The following SAMM50 variants were observed in gnomAD, a reference collection of about 807,000 sequenced individuals.
SAMM50 encodes sorting and assembly machinery component 50 homolog.
In SAMM50, 47 loss-of-function variants were observed where a neutral mutation model predicts 66.9. The ratio of observed to expected loss-of-function variants is 0.70; its 90% confidence interval spans 0.56 to 0.90. The LOEUF (loss-of-function observed/expected upper bound fraction) is 0.90. Ranked by LOEUF, SAMM50 falls within the 40% of genes least tolerant of loss-of-function variation. The pLI, the probability that SAMM50 is intolerant of heterozygous loss-of-function variation, is 0.00. For missense variants in SAMM50, 535 were observed against 595.3 expected (o/e 0.90, Z 1.05); for synonymous variants, 191 against 214.1 (o/e 0.89, Z 0.94).
In SAMM50 at chr22:43,975,757, T is replaced by C. The variant is rs372829695; in HGVS notation, c.649-298T>C. On this transcript the variant is annotated intron_variant, in intron 7 of 14. Transcript: ENST00000350028. The stretch of plus-strand genomic sequence containing the variant: ...GTGGGAAAGAGATAGCACCTGTCGA[T>C]GATAGAGCTGCCTGCAGCCCTCAGA... 187 of 292,276 alleles carry C rather than the reference T, an allele frequency of 6.4e-4. 4 individuals carry two copies. The South Asian group carries it at 0.012, about 19-fold the overall frequency. 18.1% of individuals were successfully genotyped at this position (292,276 alleles called of 1,614,324 possible).
At chr22:43,977,782 C>G in intron 9 of SAMM50, 90 bp from the exon 10 acceptor site, 1 of 892,660 alleles carries the variant, frequency 1.1e-6, no homozygotes, top group Non-Finnish European at 1.7e-6. Flanking sequence ...TACAAAACGG[C>G]AAAATTAAAT....
intron 7 of SAMM50, among the ~76,000 whole-genome samples, chr22:43,974,233 A>G (rs2050219547): frequency 1.3e-5 from 2 of 151,972 alleles, no homozygotes; most frequent in Admixed American, 1.3e-4. Flanking sequence ...ACTCACAGAG[A>G]GTGGGGCCCA....
rs2050273553 is a variant in SAMM50, at chr22:43,983,170, C to T, written c.1008-763C>T. Among the ~76,000 whole-genome samples, 3 of 152,218 alleles carry T rather than the reference C, an allele frequency of 2.0e-5. No individual in the cohort carries two copies. The highest frequency in any genetic ancestry group is 2.1e-4 in the South Asian group (1 of 4,836). On this transcript the variant is annotated intron_variant, in intron 11 of 14. Coordinates refer to ENST00000350028, the MANE Select transcript of SAMM50 (RefSeq NM_015380.5). This position sits in a 1 kb window ranked among gnomAD's most constrained non-coding sequence, Gnocchi z 4.2. The stretch of plus-strand genomic sequence containing the variant: ...CCTGCAGGGTGTTCTTAGCCTCCCG[C>T]GGCCTCAAAGGTCAGAGGGCTCTGA...
At chr22:43,989,585 C>G (rs1355061989) in intron 13 of SAMM50, among the ~76,000 whole-genome samples, 2 of 152,046 alleles carry the variant, frequency 1.3e-5, no homozygotes, top group Non-Finnish European at 2.9e-5. Context: ...ATCCACACCC[C>G]CCTTGGATTC....
chr22:43,957,788 C>T (rs2050127650), intron 1 of SAMM50, among the ~76,000 whole-genome samples: 2 of 150,158 alleles, frequency 1.3e-5, no homozygotes, highest in African/African-American at 4.9e-5. Context: ...GAGACAGAGT[C>T]TTGCTCTGTG....
chr22:43,989,719 A>G (rs1297743036), intron 13 of SAMM50, among the ~76,000 whole-genome samples: 1 of 152,238 alleles, frequency 6.6e-6, no homozygotes, highest in Non-Finnish European at 1.5e-5. Flanking sequence ...CAGCTAACAT[A>G]ATGCCCAGCA....
intron 9 of SAMM50, 41 bp from the exon 10 acceptor site, chr22:43,977,831 G>A (rs202058771): frequency 1.2e-5 from 16 of 1,358,402 alleles, no homozygotes; most frequent in Non-Finnish European, 1.7e-5. Context: ...CCTGTAATAA[G>A]TCTGTTTGCT....
chr22:43,985,133 C>A (rs933773320), intron 12 of SAMM50, among the ~76,000 whole-genome samples: 11 of 148,262 alleles, frequency 7.4e-5, no homozygotes, highest in Admixed American at 2.0e-4. Context: ...CCCGTATAAC[C>A]CCCATAGCTT....
At chr22:43,976,687 G>A in intron 8 of SAMM50, 63 bp from the exon 9 acceptor site, 4 of 1,236,384 alleles carry the variant, frequency 3.2e-6, no homozygotes, top group East Asian at 2.3e-5. Context: ...CGTGCTGTGA[G>A]TGCTCATGGT....
rs2050317718 is a variant in SAMM50, at chr22:43,990,440, C to A, written c.1364+34C>A. 1.9e-6 allele frequency: 3 copies of A among 1,597,450 alleles called. No individual in the cohort carries two copies. The East Asian group carries it at 6.7e-5, about 36-fold the overall frequency. The stretch of plus-strand genomic sequence containing the variant: ...TGGGAATTATTTTCCACAATCACAT[C>A]CCACTCTCCAGTAATTTTATTTTGT... On this transcript the variant is annotated intron_variant, in intron 14 of 14. Coordinates refer to ENST00000350028, the MANE Select transcript of SAMM50 (RefSeq NM_015380.5).
intron 10 of SAMM50, among the ~76,000 whole-genome samples, chr22:43,980,526 C>G (rs1295650090): frequency 2.6e-5 from 4 of 151,800 alleles, no homozygotes. Context: ...AGCATGAATT[C>G]CAAGAGCAGT....
rs1304706209 is a variant in SAMM50 at position 43,968,953 on chromosome 22, G to A, written c.322+135G>A. 9.6e-6 allele frequency: 6 copies of A among 626,310 alleles called. No homozygotes were observed. The East Asian group carries it at 1.6e-4, about 17-fold the overall frequency. 38.8% of individuals were successfully genotyped at this position (626,310 alleles called of 1,614,324 possible). A position where few individuals can be genotyped will look rare whatever the true frequency, so the allele number is the denominator to read the frequency against. On this transcript the variant is annotated intron_variant, in intron 4 of 14. Transcript: ENST00000350028. Reference sequence around the variant, plus strand: ...TAGAACCTGAAAGTTGATCAAACAGGTAGTCCTTGAGTTAGCAGTCTCAGG... The same window carrying A: ...TAGAACCTGAAAGTTGATCAAACAGATAGTCCTTGAGTTAGCAGTCTCAGG...
At chr22:43,976,289 CA>C in intron 8 of SAMM50, 106 bp downstream of exon 8, 1 of 1,363,764 alleles carries the variant, frequency 7.3e-7, no homozygotes, top group Non-Finnish European at 1.0e-6. Flanking sequence ...AAGCGTCACC[CA>C]GATGGGGTGT....
intron 12 of SAMM50, chr22:43,986,246 T>C (rs546915955): frequency 2.0e-5 from 3 of 152,062 alleles, no homozygotes; most frequent in South Asian, 4.2e-4. Flanking sequence ...TTCTCCATGT[T>C]GGCCAGGCTG....
At chr22:43,991,211 C>T (rs941508461) in intron 14 of SAMM50, among the ~76,000 whole-genome samples, 3 of 150,880 alleles carry the variant, frequency 2.0e-5, no homozygotes, top group African/African-American at 4.9e-5. Context: ...CTCCTGACCT[C>T]GTGATCTGCC....
At chr22:43,955,722 G>A in intron 1 of SAMM50, 124 bp downstream of exon 1, 1 of 1,097,030 alleles carries the variant, frequency 9.1e-7, no homozygotes. Context: ...CAAGGGTGCC[G>A]GGCTGGGTGG....
chr22:43,963,806 G>A (rs1000359202), intron 2 of SAMM50, among the ~76,000 whole-genome samples: 2 of 152,264 alleles, frequency 1.3e-5, no homozygotes, highest in East Asian at 1.9e-4. Context: ...ACTCTCTAGC[G>A]AGACTGAGAG....
chr22:43,985,239 GGGTTCACTCTTA>G (rs1340327901), intron 12 of SAMM50, among the ~76,000 whole-genome samples: 2 of 151,934 alleles, frequency 1.3e-5, no homozygotes, highest in African/African-American at 4.8e-5. Flanking sequence ...GTTTACATGA[GGGTTCACTCTTA>G]GTGTTGTACC....
chr22:43,962,725 T>G (rs1165835149), intron 1 of SAMM50, among the ~76,000 whole-genome samples: 1 of 152,044 alleles, frequency 6.6e-6, no homozygotes, highest in Non-Finnish European at 1.5e-5. Context: ...GGAGAGCAAA[T>G]TATTTTCCTT....
Sources: gnomAD v4.1 joint callset for allele counts (sites outside exome capture counted in the v4.1 genomes callset) on GRCh38, gnomAD v4.1.1 for gene constraint, Gnocchi (gnomAD v3.1) non-coding constraint, MANE v1.5 for transcripts, NCBI Gene and HGNC (gene_info 2026-07-23, HGNC 2026-07-21) for gene names.